NLRC5: variants seen among roughly 807,000 people sequenced by gnomAD.
NLRC5 encodes the protein protein NLRC5.
In NLRC5, 114 loss-of-function variants were observed where a neutral mutation model predicts 206.9. That is an observed-to-expected ratio of 0.55 (90% confidence interval 0.47 to 0.64). The LOEUF (loss-of-function observed/expected upper bound fraction) is 0.64. Among genes scored for constraint, NLRC5 ranks in the 30% least tolerant of loss-of-function variants. The pLI is 0.00. For missense variants in NLRC5, 2,008 were observed against 2,305.5 expected (o/e 0.87, Z 2.64); for synonymous variants, 952 against 962.8 (o/e 0.99, Z 0.21).
In NLRC5 at chr16:57,030,155, T is replaced by C; in HGVS notation, c.2417+71T>C. 4 of 1,264,856 alleles carry C rather than the reference T, an allele frequency of 3.2e-6. No individual in the cohort carries two copies. The East Asian group carries it at 6.9e-5, about 22-fold the overall frequency. The allele number at this position is 1,264,856 out of a possible 1,614,324, so 78.4% of individuals were successfully genotyped here. On this transcript the variant is annotated intron_variant, in intron 10 of 48. Coordinates refer to ENST00000688547, the MANE Select transcript of NLRC5 (RefSeq NM_001384950.1). ...GAGGAGGGGAAAGTGGGATGGGAAA[T>C]GGAGGAGGCCCCTCGTCTGCAGGAT... is the stretch of plus-strand genomic sequence containing the variant.
rs375009936 is a variant in NLRC5 at position 57,023,729 on chromosome 16, C to T, written c.356-56C>T. The T allele has an allele frequency of 7.5e-5, 110 of 1,468,840 alleles. No individual in the cohort carries two copies. The African/African-American group carries it at 1.3e-3, about 17-fold the overall frequency. 91.0% of individuals were successfully genotyped at this position (1,468,840 alleles called of 1,614,324 possible). On this transcript the variant is annotated intron_variant, in intron 4 of 48. Coordinates refer to ENST00000688547, the MANE Select transcript of NLRC5 (RefSeq NM_001384950.1). ...GGAGTTCCCCAAAGGTTCTGGGTAA[C>T]CCCTCAGCCCAGATCCCCAGACCCC...
At position 57,070,611 on chromosome 16, in the gene NLRC5, A is replaced by G; in HGVS notation, c.4660A>G (p.Arg1554Gly). 6.2e-7 allele frequency: 1 copy of G among 1,613,752 alleles called. No homozygotes were observed. The highest frequency in any genetic ancestry group is 1.1e-5 in the South Asian group (1 of 91,072). Residue 1554 changes from arginine to glycine, a missense_variant, in exon 38 of 49, where the codon AGG (arginine) becomes GGG (glycine). Transcript: ENST00000688547. ...RALEGKWMLK[R>G]LDLSHLLLNS... ...CCTTGAGGGGAAATGGATGCTAAAG[A>G]GGCTGGAGTAAGTAGTGATGGTGGT...
Position 57,028,351 on chromosome 16 carries a change from G to A in NLRC5, c.2209G>A (p.Ala737Thr). The A allele has an allele frequency of 2.5e-6, 4 of 1,614,190 alleles. No homozygotes were observed. The highest frequency in any genetic ancestry group is 3.3e-4 in the Middle Eastern group (2 of 6,062). ...CCGAGGCATCAGCCACCTGGTGAAA[G>A]CTTTGCCTCTCTGTCCACAGCTGAA... is the stretch of plus-strand genomic sequence containing the variant. ...TARGISHLVK[A>T]LPLCPQLKEV... is the part of the protein sequence containing the mutation. Residue 737 changes from alanine to threonine, a missense_variant, in exon 8 of 49, where the codon GCT (alanine) becomes ACT (threonine). Coordinates refer to ENST00000688547, the MANE Select transcript of NLRC5 (RefSeq NM_001384950.1).
chr16:57,065,330 C>T (rs2066967290), intron 33 of NLRC5, 32 bp downstream of exon 33: 26 of 1,455,954 alleles, frequency 1.8e-5, no homozygotes, highest in Non-Finnish European at 2.3e-5. Flanking sequence ...CTTTGGAATT[C>T]TTCATCTTTC....
intron 31 of NLRC5, 35 bp downstream of exon 31, chr16:57,061,566 G>A (rs2066487181): frequency 6.2e-7 from 1 of 1,609,192 alleles, no homozygotes; most frequent in Non-Finnish European, 8.5e-7. Flanking sequence ...GGACAGCAGA[G>A]GGGTGGGGGC....
rs1425030817 is a variant in NLRC5 at position 57,027,090 on chromosome 16, A to G, written c.2075+72A>G. 2.6e-6 allele frequency: 4 copies of G among 1,515,822 alleles called. No individual in the cohort carries two copies. In the African/African-American group the frequency reaches 5.5e-5, roughly 21 times the overall value. The allele number at this position is 1,515,822 out of a possible 1,614,324, so 93.9% of individuals were successfully genotyped here. A position where few individuals can be genotyped will look rare whatever the true frequency, so the allele number is the denominator to read the frequency against. On this transcript the variant is annotated intron_variant, in intron 6 of 48. Transcript: ENST00000688547. ...GGAGCAGAGGCCAACCAGTCTAGCA[A>G]ACCTCTGCCAAGAGGACTGGATAAG...
chr16:57,079,761 T>A, intron 46 of NLRC5, 132 bp downstream of exon 46: 1 of 661,482 alleles, frequency 1.5e-6, no homozygotes, highest in East Asian at 2.8e-5. Context: ...CATTTGTAAA[T>A]GGGGAAGATC....
intron 17 of NLRC5, 49 bp from the exon 18 acceptor site, chr16:57,041,436 C>G: frequency 6.5e-7 from 1 of 1,540,338 alleles, no homozygotes; most frequent in Non-Finnish European, 9.0e-7. Context: ...GGCTCCTTCC[C>G]GCCTCTGTTC....
chr16:57,064,676 C>A (rs1472645193), intron 32 of NLRC5, among the ~76,000 whole-genome samples: 2 of 152,222 alleles, frequency 1.3e-5, no homozygotes, highest in Admixed American at 1.3e-4. Context: ...GTAATCCCAG[C>A]ACTTTGGGAG....
At chr16:57,005,204 G>A (rs1475346411) in intron 1 of NLRC5, among the ~76,000 whole-genome samples, 2 of 152,142 alleles carry the variant, frequency 1.3e-5, no homozygotes, top group African/African-American at 4.8e-5. Flanking sequence ...CTTCTTTCTT[G>A]TTTTCTATAG....
At chr16:57,038,782 A>G (rs574022499) in intron 15 of NLRC5, among the ~76,000 whole-genome samples, 7 of 152,060 alleles carry the variant, frequency 4.6e-5, no homozygotes, top group Admixed American at 4.6e-4. Flanking sequence ...TAAAAATACA[A>G]AAACTAGCTG....
At chr16:57,003,534 G>C (rs2058546368) in intron 1 of NLRC5, among the ~76,000 whole-genome samples, 1 of 151,796 alleles carries the variant, frequency 6.6e-6, no homozygotes, top group Non-Finnish European at 1.5e-5. Flanking sequence ...CTTCTTCCGG[G>C]GTCGCCTTTG....
At chr16:57,034,719 C>T (rs531968747) in intron 13 of NLRC5, 75 of 154,674 alleles carry the variant, frequency 4.8e-4, no homozygotes, top group South Asian at 1.2e-3. Flanking sequence ...CCCCCCACCC[C>T]CTTCATCCTT....
intron 27 of NLRC5, among the ~76,000 whole-genome samples, chr16:57,056,272 T>C (rs1597383177): frequency 6.6e-6 from 1 of 152,070 alleles, no homozygotes; most frequent in East Asian, 1.9e-4. Context: ...AGAAGAAAAA[T>C]GTGACTGATA....
chr16:57,058,496 T>A (rs2065981868), intron 28 of NLRC5: 2 of 347,680 alleles, frequency 5.8e-6, no homozygotes, highest in Non-Finnish European at 5.4e-6. Context: ...GTCCATCCCG[T>A]CCCTGAAATT....
chr16:57,070,978 GTGT>G (rs1394600474), intron 38 of NLRC5, among the ~76,000 whole-genome samples: 1 of 95,538 alleles, frequency 1.0e-5, no homozygotes, highest in African/African-American at 3.3e-5. Context: ...TGAGTGAGTG[GTGT>G]TGGTGGTTAA....
At chr16:57,022,375 C>T (rs2060772616) in intron 4 of NLRC5, 60 bp downstream of exon 4, 4 of 1,459,790 alleles carry the variant, frequency 2.7e-6, no homozygotes, top group Admixed American at 3.5e-5. Flanking sequence ...TCCCCACTTC[C>T]AAGCTGGAGG....
At chr16:57,034,281 A>C in intron 13 of NLRC5, 30 bp downstream of exon 13, 2 of 1,557,554 alleles carry the variant, frequency 1.3e-6, no homozygotes, top group Non-Finnish European at 1.8e-6. Context: ...CTGGCGTAGG[A>C]GCCAGGAAAG....
chr16:57,078,236 T>C (rs1038946919), intron 43 of NLRC5, among the ~76,000 whole-genome samples: 2 of 152,338 alleles, frequency 1.3e-5, no homozygotes, highest in African/African-American at 4.8e-5. Context: ...GGCCCCTGCC[T>C]GACCTTGGCC....
Sources: gnomAD v4.1 joint callset for allele counts (sites outside exome capture counted in the v4.1 genomes callset) on GRCh38, gnomAD v4.1.1 for gene constraint, MANE v1.5 for transcripts, NCBI Gene and HGNC (gene_info 2026-07-23, HGNC 2026-07-21) for gene names.